GRM5: variants seen among roughly 807,000 people sequenced by gnomAD.
GRM5 encodes the protein glutamate metabotropic receptor 5.
GRM5 carries 19 observed loss-of-function variants against 83.1 expected under a neutral mutation model. The observed-to-expected ratio is 0.23, with a 90% CI of 0.16 to 0.34. The LOEUF (loss-of-function observed/expected upper bound fraction) is 0.34. Ranked by LOEUF, GRM5 falls within the 10% of genes least tolerant of loss-of-function variation. The probability of loss-of-function intolerance (pLI) is 1.00; values close to 1 mark genes in which losing one functional copy is unlikely to be tolerated. For missense variants in GRM5, 1,160 were observed against 1,588.3 expected (o/e 0.73, Z 4.58); for synonymous variants, 675 against 633.6 (o/e 1.07, Z -0.98).
chr11:88,944,646 A>T (rs1358956640), intron 2 of GRM5, among the ~76,000 whole-genome samples: 2 of 151,922 alleles, frequency 1.3e-5, no homozygotes. Flanking sequence ...AGTTGTGTGC[A>T]GCTTATAAAA....
chr11:88,562,238 C>A (rs755301536), intron 8 of GRM5, among the ~76,000 whole-genome samples: 3 of 152,092 alleles, frequency 2.0e-5, no homozygotes, highest in African/African-American at 7.2e-5. Flanking sequence ...AGTTTTTTCA[C>A]CTTTTTGACC....
intron 2 of GRM5, among the ~76,000 whole-genome samples, chr11:88,880,514 T>C (rs575566013): frequency 6.6e-6 from 1 of 152,290 alleles, no homozygotes; most frequent in East Asian, 1.9e-4. Flanking sequence ...GCCTTCCTTA[T>C]ATTTACATTT....
chr11:89,050,605 T>C (rs932042016), intron 1 of GRM5, among the ~76,000 whole-genome samples: 1 of 152,156 alleles, frequency 6.6e-6, no homozygotes, highest in Non-Finnish European at 1.5e-5. Flanking sequence ...AACCCTGCAA[T>C]CCCATTACTG....
chr11:88,525,561 GA>G (rs1238012679), intron 8 of GRM5, among the ~76,000 whole-genome samples, 157 bp from the exon 9 acceptor site: 1 of 152,174 alleles, frequency 6.6e-6, no homozygotes, highest in African/African-American at 2.4e-5. Context: ...ATACTTATTA[GA>G]TGAATGTGAT....
intron 8 of GRM5, among the ~76,000 whole-genome samples, chr11:88,556,556 C>A (rs1942633215): frequency 6.6e-6 from 1 of 152,048 alleles, no homozygotes; most frequent in South Asian, 2.1e-4. Context: ...CTCCTGACCT[C>A]ATGATCCGCC....
chr11:88,771,766 A>T (rs1325416720), intron 3 of GRM5, among the ~76,000 whole-genome samples: 1 of 152,122 alleles, frequency 6.6e-6, no homozygotes, highest in African/African-American at 2.4e-5. Context: ...TGAGTGTGAA[A>T]TACACTCATG....
intron 3 of GRM5, among the ~76,000 whole-genome samples, chr11:88,721,064 T>G (rs1010878373): frequency 2.0e-5 from 3 of 152,020 alleles, no homozygotes; most frequent in African/African-American, 7.2e-5. Flanking sequence ...TTCTTTAACC[T>G]TCCTGAAATT....
At chr11:88,872,754 C>A (rs1944791034) in intron 2 of GRM5, among the ~76,000 whole-genome samples, 1 of 151,094 alleles carries the variant, frequency 6.6e-6, no homozygotes, top group Non-Finnish European at 1.5e-5. Context: ...AAGCATATTA[C>A]TAGAAAAAAT....
intron 2 of GRM5, among the ~76,000 whole-genome samples, chr11:88,994,592 C>A (rs1440031185): frequency 7.5e-6 from 1 of 134,198 alleles, no homozygotes; most frequent in African/African-American, 3.0e-5. Context: ...TTGAAAGCCA[C>A]TGAATTAAAG....
At position 88,919,255 on chromosome 11, in the gene GRM5, TA is replaced by T. The variant is rs1565291809; in HGVS notation, c.662-69101del. Among the ~76,000 whole-genome samples the T allele has an allele frequency of 1.1e-4, 11 of 96,860 alleles. 3 individuals carry two copies. The highest frequency in any genetic ancestry group is 5.5e-4 in the East Asian group (2 of 3,646). 63.5% of individuals were successfully genotyped at this position (96,860 alleles called of 152,430 possible). ...AGGAGTAGCTATATATATATATATA[TA>T]TCGGATAAAATAGATTTTAAGACAA... On this transcript the variant is annotated intron_variant, in intron 2 of 9. Transcript: ENST00000305447.
intron 3 of GRM5, among the ~76,000 whole-genome samples, chr11:88,702,776 T>A (rs544876488): frequency 6.6e-6 from 1 of 152,090 alleles, no homozygotes; most frequent in East Asian, 1.9e-4. Flanking sequence ...ATGTAACTGA[T>A]GTCATTATAA....
At chr11:88,794,905 A>G (rs1401585460) in intron 3 of GRM5, among the ~76,000 whole-genome samples, 1 of 152,242 alleles carries the variant, frequency 6.6e-6, no homozygotes, top group East Asian at 1.9e-4. Context: ...AATAGCTAAG[A>G]TAGCTATGGC....
intron 3 of GRM5, among the ~76,000 whole-genome samples, chr11:88,755,256 CAG>C (rs1158903185): frequency 6.6e-6 from 1 of 152,036 alleles, no homozygotes; most frequent in Non-Finnish European, 1.5e-5. Flanking sequence ...TTTCAGAAAA[CAG>C]AGTCTCAGAG....
intron 2 of GRM5, among the ~76,000 whole-genome samples, chr11:88,942,352 T>C (rs1433029936): frequency 6.6e-6 from 1 of 152,046 alleles, no homozygotes; most frequent in Non-Finnish European, 1.5e-5. Context: ...GAGTATATAT[T>C]GTACCATTCT....
chr11:89,049,561 G>A (rs1258072560), intron 1 of GRM5, among the ~76,000 whole-genome samples: 2 of 152,154 alleles, frequency 1.3e-5, no homozygotes, highest in African/African-American at 4.8e-5. Flanking sequence ...TCTACAAAAA[G>A]TTAAGTCCAG....
intron 9 of GRM5, among the ~76,000 whole-genome samples, chr11:88,519,133 G>A (rs1158514304): frequency 1.3e-5 from 2 of 151,482 alleles, no homozygotes; most frequent in African/African-American, 4.9e-5. Flanking sequence ...GGACATTAGA[G>A]TTGGGTTTTG....
chr11:89,050,839 C>T (rs1941743029), intron 1 of GRM5, among the ~76,000 whole-genome samples: 1 of 152,088 alleles, frequency 6.6e-6, no homozygotes, highest in Non-Finnish European at 1.5e-5. Context: ...TTAACCTTAG[C>T]AAGTTAACAC....
intron 6 of GRM5, among the ~76,000 whole-genome samples, chr11:88,593,435 T>C (rs1250031388): frequency 6.6e-6 from 1 of 152,024 alleles, no homozygotes; most frequent in East Asian, 1.9e-4. Flanking sequence ...CCCAGCACTT[T>C]GGAAGGCTGA....
intron 3 of GRM5, among the ~76,000 whole-genome samples, chr11:88,793,724 A>C (rs1287911498): frequency 2.6e-5 from 4 of 152,200 alleles, no homozygotes; most frequent in Non-Finnish European, 5.9e-5. Flanking sequence ...CCAATACGGG[A>C]GTCAGGAAGC....
Sources: gnomAD v4.1 joint callset for allele counts (sites outside exome capture counted in the v4.1 genomes callset) on GRCh38, gnomAD v4.1.1 for gene constraint, MANE v1.5 for transcripts, NCBI Gene and HGNC (gene_info 2026-07-23, HGNC 2026-07-21) for gene names.